RAE1: variants seen among roughly 807,000 people sequenced by gnomAD.
RAE1 encodes the protein ribonucleic acid export 1.
In RAE1, 13 loss-of-function variants were observed where a neutral mutation model predicts 52.7. That is an observed-to-expected ratio of 0.25 (90% CI 0.16 to 0.39). The LOEUF (loss-of-function observed/expected upper bound fraction) is 0.39, where lower values mean the gene tolerates loss of function less well. Ranked by LOEUF, RAE1 falls within the 10% of genes least tolerant of loss-of-function variation. RAE1 has a pLI of 1.00. For synonymous variants in RAE1, 164 were observed against 153.1 expected (o/e 1.07, Z -0.52); for missense variants, 262 against 459.8 (o/e 0.57, Z 3.93).
chr20:57,374,585 T>C (rs2067083921), intron 10 of RAE1, 22 bp from the exon 11 acceptor site: 1 of 1,594,258 alleles, frequency 6.3e-7, no homozygotes, highest in Non-Finnish European at 8.6e-7. Context: ...TGGCTTCTCA[T>C]TGTGCATGTC....
At chr20:57,359,810 G>C (rs945743037) in intron 4 of RAE1, 1 of 152,208 alleles carries the variant, frequency 6.6e-6, no homozygotes, top group Non-Finnish European at 1.5e-5. Context: ...GAAGGTATAA[G>C]GGCTTGTCTT....
chr20:57,358,036 A>G (rs1286354263), intron 4 of RAE1: 1 of 151,190 alleles, frequency 6.6e-6, no homozygotes, highest in Non-Finnish European at 1.5e-5. Context: ...GAATAGATAG[A>G]CGGCTAGGCT....
At chr20:57,353,961 A>C in intron 1 of RAE1, 71 bp from the exon 2 acceptor site, 2 of 1,335,516 alleles carry the variant, frequency 1.5e-6, no homozygotes, top group Non-Finnish European at 2.1e-6. Context: ...TCTGCCAGTT[A>C]ATTATCTTAC....
In RAE1 at chr20:57,354,138, A is replaced by G. The variant is rs200664058; in HGVS notation, c.90+10A>G. 1 of 1,611,128 alleles carries G rather than the reference A, an allele frequency of 6.2e-7. No homozygotes were observed. The highest frequency in any genetic ancestry group is 1.7e-5 in the Admixed American group (1 of 59,978). ...TCACAATCCCATGAAGGTACCACGA[A>G]AAGCTTCCTGGGGCTTGTAGGAAGA... On this transcript the variant is annotated intron_variant, in intron 2 of 11. Transcript: ENST00000395841.
At chr20:57,368,937 A>C (rs1431880111) in intron 8 of RAE1, 125 bp downstream of exon 8, 1 of 750,582 alleles carries the variant, frequency 1.3e-6, no homozygotes, top group East Asian at 2.7e-5. Flanking sequence ...GGTGAATTGA[A>C]GGATATAAAC....
In RAE1 at chr20:57,378,072, A is replaced by G; in HGVS notation, c.1080A>G (p.Glu360=). 1 of 1,613,012 alleles carries G rather than the reference A, an allele frequency of 6.2e-7. No homozygotes were observed. The highest frequency in any genetic ancestry group is 8.5e-7 in the Non-Finnish European group (1 of 1,179,080). Residue 360 remains glutamate, a synonymous_variant, in exon 12 of 12, where the codon GAA becomes GAG. Transcript: ENST00000395841. ...ACATTTTCCTGCGTAATGCAGCCGA[A>G]GAGCTAAAGCCCAGGAATAAGAAGT... ...KNYIFLRNAA[E]ELKPRNKK
At chr20:57,358,510 T>C (rs2066833049) in intron 4 of RAE1, 2 of 152,692 alleles carry the variant, frequency 1.3e-5, no homozygotes, top group South Asian at 2.1e-4. Flanking sequence ...ATCTATGGAG[T>C]GAGGGCACTT....
chr20:57,373,001 C>CT, intron 8 of RAE1: 2 of 172,014 alleles, frequency 1.2e-5, no homozygotes, highest in Non-Finnish European at 1.3e-5. Context: ...TGTTGCTTGT[C>CT]TGTAGCATGG....
At chr20:57,354,575 C>G in intron 2 of RAE1, 137 bp from the exon 3 acceptor site, 1 of 566,276 alleles carries the variant, frequency 1.8e-6, no homozygotes, top group Non-Finnish European at 3.0e-6. Context: ...TGTCTTTGAT[C>G]AAAGTAAGGA....
intron 4 of RAE1, among the ~76,000 whole-genome samples, chr20:57,362,354 A>G (rs556158566): frequency 6.6e-6 from 1 of 152,346 alleles, no homozygotes; most frequent in African/African-American, 2.4e-5. Flanking sequence ...TTATTGTGAC[A>G]CTACATTAAT....
intron 3 of RAE1, 38 bp downstream of exon 3, chr20:57,354,854 C>A: frequency 6.8e-7 from 1 of 1,460,536 alleles, no homozygotes. Context: ...GAAATCATCT[C>A]TCTTTGTATG....
At chr20:57,355,076 A>T (rs534443333) in intron 3 of RAE1, among the ~76,000 whole-genome samples, 210 of 152,338 alleles carry the variant, frequency 1.4e-3, no homozygotes, top group Non-Finnish European at 2.5e-3. Context: ...TCCCAAATCA[A>T]ATATCATATT....
chr20:57,363,346 C>T (rs2146150182), intron 4 of RAE1, among the ~76,000 whole-genome samples: 1 of 152,212 alleles, frequency 6.6e-6, no homozygotes, highest in African/African-American at 2.4e-5. Flanking sequence ...GACCCGGTCT[C>T]TACAAAAAAT....
chr20:57,363,712 A>G (rs1487454957), intron 4 of RAE1, among the ~76,000 whole-genome samples: 4 of 152,212 alleles, frequency 2.6e-5, no homozygotes, highest in African/African-American at 4.8e-5. Flanking sequence ...TAATAAAATG[A>G]AGGTAATAAC....
intron 11 of RAE1, 138 bp downstream of exon 11, chr20:57,374,939 G>C (rs2067090027): frequency 1.1e-6 from 1 of 944,500 alleles, no homozygotes; most frequent in African/African-American, 1.6e-5. Context: ...CTCCCTGTAA[G>C]GGGAAATTGC....
intron 8 of RAE1, among the ~76,000 whole-genome samples, chr20:57,369,449 T>G (rs2078269874): frequency 1.3e-5 from 2 of 152,374 alleles, no homozygotes; most frequent in South Asian, 2.1e-4. Context: ...GGGAAGGGCC[T>G]TGGAGAAAGC....
intron 1 of RAE1, chr20:57,351,693 C>CGAG: frequency 1.0e-6 from 1 of 985,494 alleles, no homozygotes; most frequent in Non-Finnish European, 1.2e-6. Flanking sequence ...CTCTGTCCCT[C>CGAG]CCCCTTACAC....
At chr20:57,353,482 C>G (rs994931044) in intron 1 of RAE1, among the ~76,000 whole-genome samples, 1 of 152,190 alleles carries the variant, frequency 6.6e-6, no homozygotes, top group African/African-American at 2.4e-5. Context: ...GATGCCCGAC[C>G]TTTTTAAAAC....
chr20:57,368,862 C>A, intron 8 of RAE1, 50 bp downstream of exon 8: 1 of 1,416,640 alleles, frequency 7.1e-7, no homozygotes, highest in Non-Finnish European at 9.9e-7. Flanking sequence ...CTGTTGTATG[C>A]AAGATTGTGC....
Sources: gnomAD v4.1 joint callset for allele counts (sites outside exome capture counted in the v4.1 genomes callset) on GRCh38, gnomAD v4.1.1 for gene constraint, MANE v1.5 for transcripts, NCBI Gene and HGNC (gene_info 2026-07-23, HGNC 2026-07-21) for gene names.